Variants in PDE4D observed in about 807,000 individuals in gnomAD.
The protein encoded by PDE4D is phosphodiesterase 4D.
A neutral mutation model predicts 87.4 loss-of-function variants in PDE4D; 24 were observed. The observed-to-expected ratio is 0.27, with a 90% confidence interval of 0.20 to 0.39. The LOEUF (loss-of-function observed/expected upper bound fraction) is 0.39. Among genes scored for constraint, PDE4D ranks in the 10% least tolerant of loss-of-function variants. PDE4D has a pLI of 1.00. For missense variants in PDE4D, 714 were observed against 1,041.0 expected, an observed-to-expected ratio of 0.69 and a Z score of 4.32; for synonymous variants, 384 against 383.2, an observed-to-expected ratio of 1.00 and a Z score of -0.02.
intron 1 of PDE4D, among the ~76,000 whole-genome samples, chr5:59,674,732 ACT>A (rs1383586082): frequency 6.6e-6 from 1 of 152,098 alleles, no homozygotes; most frequent in African/African-American, 2.4e-5. Context: ...GAAATGAGAA[ACT>A]CTTATTTCTT....
At chr5:60,172,753 C>T (rs1363473224) in intron 2 of PDE4D, among the ~76,000 whole-genome samples, 3 of 152,146 alleles carry the variant, frequency 2.0e-5, no homozygotes, top group Non-Finnish European at 4.4e-5. Flanking sequence ...TAAGCCCTGT[C>T]TGCTGCCATG....
chr5:59,953,483 C>T (rs1011267571), intron 3 of PDE4D, among the ~76,000 whole-genome samples: 2 of 151,976 alleles, frequency 1.3e-5, no homozygotes, highest in Non-Finnish European at 2.9e-5. Context: ...CTCATTAACA[C>T]TCACTTGATA....
intron 3 of PDE4D, among the ~76,000 whole-genome samples, chr5:59,985,421 G>A (rs1197588427): frequency 3.3e-5 from 5 of 151,826 alleles, no homozygotes; most frequent in African/African-American, 1.2e-4. Flanking sequence ...GATTACAGGC[G>A]TGAGCCACTG....
At chr5:60,193,133 G>A (rs1280574435) in intron 1 of PDE4D, among the ~76,000 whole-genome samples, 1 of 151,930 alleles carries the variant, frequency 6.6e-6, no homozygotes, top group Non-Finnish European at 1.5e-5. Context: ...TTCAGATCTA[G>A]TAATGGTGTC....
At chr5:60,356,594 C>A (rs1264974795) in intron 1 of PDE4D, among the ~76,000 whole-genome samples, 1 of 152,108 alleles carries the variant, frequency 6.6e-6, no homozygotes, top group East Asian at 1.9e-4. Flanking sequence ...TGGCTTCAAC[C>A]TTCTTCTAAT....
intron 3 of PDE4D, among the ~76,000 whole-genome samples, chr5:59,188,530 A>G (rs78532943): frequency 0.023 from 3,520 of 152,268 alleles, 116 homozygotes; most frequent in African/African-American, 0.078. Flanking sequence ...TTTAACACTT[A>G]AACAGCTGAA....
At chr5:59,418,089 G>A (rs1582499681) in intron 1 of PDE4D, among the ~76,000 whole-genome samples, 2 of 152,110 alleles carry the variant, frequency 1.3e-5, no homozygotes, top group Admixed American at 1.3e-4. Context: ...ATTGCTATAA[G>A]TCCCCTCATT....
chr5:59,420,943 TTAAA>T (rs1446365697), intron 1 of PDE4D, among the ~76,000 whole-genome samples: 1 of 152,016 alleles, frequency 6.6e-6, no homozygotes, highest in Non-Finnish European at 1.5e-5. Context: ...TAAGGGTGAG[TTAAA>T]TAATTTATTA....
At chr5:59,758,787 T>G (rs1273113274) in intron 1 of PDE4D, among the ~76,000 whole-genome samples, 1 of 152,144 alleles carries the variant, frequency 6.6e-6, no homozygotes, top group Non-Finnish European at 1.5e-5. Context: ...CTACCTTACT[T>G]TCTTACAGCA....
intron 1 of PDE4D, among the ~76,000 whole-genome samples, chr5:59,793,724 G>A (rs1581137956): frequency 1.3e-5 from 2 of 152,172 alleles, no homozygotes; most frequent in African/African-American, 4.8e-5. Flanking sequence ...TTCATTTCAC[G>A]TGGATGGGGA....
intron 1 of PDE4D, among the ~76,000 whole-genome samples, chr5:59,354,923 C>T (rs1781129782): frequency 6.6e-6 from 1 of 152,044 alleles, no homozygotes; most frequent in South Asian, 2.1e-4. Context: ...GAAAGCAGCA[C>T]ATATAAAAAA....
At chr5:59,044,657 A>G (rs971468571) in intron 5 of PDE4D, among the ~76,000 whole-genome samples, 3 of 152,194 alleles carry the variant, frequency 2.0e-5, no homozygotes. Context: ...CAATGTGTAC[A>G]TGTAATAGGT....
At chr5:59,889,228 T>TAAAA (rs58549979) in intron 1 of PDE4D, among the ~76,000 whole-genome samples, 1 of 71,098 alleles carries the variant, frequency 1.4e-5, no homozygotes, top group Non-Finnish European at 2.7e-5. Flanking sequence ...AGACTCTGTC[T>TAAAA]AAAAAAAAAA....
intron 1 of PDE4D, among the ~76,000 whole-genome samples, chr5:60,426,931 T>G (rs1743775053): frequency 6.6e-6 from 1 of 152,054 alleles, no homozygotes; most frequent in African/African-American, 2.4e-5. Flanking sequence ...AACAATTTAG[T>G]GGACAGGTCT....
intron 1 of PDE4D, among the ~76,000 whole-genome samples, chr5:59,294,586 AT>A (rs1327186265): frequency 6.6e-6 from 1 of 152,150 alleles, no homozygotes; most frequent in African/African-American, 2.4e-5. Flanking sequence ...TTAGTTTTCT[AT>A]GCCTCAGTCT....
At chr5:60,143,603 T>TTTTGTGTGTGTGTGTGTGTGTG (rs1780730543) in intron 2 of PDE4D, among the ~76,000 whole-genome samples, 71 of 117,754 alleles carry the variant, frequency 6.0e-4, no homozygotes, top group African/African-American at 2.3e-3. Context: ...AGCTTGGGAA[T>TTTTGTGTGTGTGTGTGTGTGTG]TGTGTGTGTG....
At chr5:60,337,109 C>T (rs1350010030) in intron 1 of PDE4D, among the ~76,000 whole-genome samples, 3 of 145,726 alleles carry the variant, frequency 2.1e-5, no homozygotes, top group Non-Finnish European at 4.5e-5. Context: ...CACCTGAGGT[C>T]AGGAGTTTGA....
In PDE4D at chr5:60,223,282, T is replaced by C. The variant is rs368985485; in HGVS notation, c.-89-37595A>G. ...CCAAACAAGCTTTGAGTATACCTAA[T>C]TAACAGTATAAACATACCTATCGAT... is the stretch of plus-strand genomic sequence containing the variant. On this transcript the variant is annotated intron_variant, in intron 1 of 16. Coordinates refer to the PDE4D transcript ENST00000502484. Among the ~76,000 whole-genome samples, 118 of 152,252 alleles carry C rather than the reference T, an allele frequency of 7.8e-4. 1 individual carries two copies. The highest frequency in any genetic ancestry group is 2.7e-3 in the African/African-American group (114 of 41,556).
chr5:59,543,149 T>C (rs1048496292), intron 1 of PDE4D, among the ~76,000 whole-genome samples: 1 of 152,198 alleles, frequency 6.6e-6, no homozygotes, highest in Non-Finnish European at 1.5e-5. Flanking sequence ...TGGACTTTCA[T>C]CATGAAACGA....
Sources: allele counts gnomAD v4.1 joint callset (sites outside exome capture counted in the v4.1 genomes callset), GRCh38; gene constraint gnomAD v4.1.1; transcripts MANE v1.5; gene names NCBI Gene and HGNC (gene_info 2026-07-23, HGNC 2026-07-21).